Variants in CPNE8 observed in about 807,000 individuals in gnomAD.
CPNE8 encodes copine-8.
Under a neutral mutation model 81.5 loss-of-function variants are expected in CPNE8, and 45 were observed. The ratio of observed to expected loss-of-function variants is 0.55; its 90% confidence interval spans 0.44 to 0.71. CPNE8 has a LOEUF of 0.71. CPNE8 is among the 30% of genes least tolerant of loss of function. CPNE8 has a pLI of 0.00. For synonymous variants in CPNE8, 252 were observed against 226.3 expected, an observed-to-expected ratio of 1.11 and a Z score of -1.02; for missense variants, 594 against 672.1, an observed-to-expected ratio of 0.88 and a Z score of 1.28.
At chr12:38,752,768 A>C (rs1384965323) in intron 10 of CPNE8, among the ~76,000 whole-genome samples, 2 of 152,224 alleles carry the variant, frequency 1.3e-5, no homozygotes, top group Non-Finnish European at 2.9e-5. Flanking sequence ...TTAGAATTTA[A>C]TTTGTATTCC....
chr12:38,878,405 CT>C (rs991836759), intron 1 of CPNE8, among the ~76,000 whole-genome samples: 1 of 152,110 alleles, frequency 6.6e-6, no homozygotes, highest in African/African-American at 2.4e-5. Context: ...TTAGCAACAC[CT>C]TTCCAAAACC....
chr12:38,873,409 A>C (rs1048234289), intron 2 of CPNE8, among the ~76,000 whole-genome samples: 1 of 152,190 alleles, frequency 6.6e-6, no homozygotes, highest in African/African-American at 2.4e-5. Flanking sequence ...TAAGATATTT[A>C]CAGTGCTCAA....
chr12:38,849,177 T>C (rs1943602455), intron 3 of CPNE8, among the ~76,000 whole-genome samples: 1 of 152,050 alleles, frequency 6.6e-6, no homozygotes, highest in African/African-American at 2.4e-5. Flanking sequence ...TTGTTTCTGA[T>C]TAATCATGTT....
intron 3 of CPNE8, among the ~76,000 whole-genome samples, chr12:38,855,171 G>A (rs1943709832): frequency 6.6e-6 from 1 of 151,214 alleles, no homozygotes; most frequent in Admixed American, 6.6e-5. Context: ...AAATACTAAG[G>A]AGTAAATTTA....
chr12:38,669,763 G>T (rs984991145), intron 19 of CPNE8, among the ~76,000 whole-genome samples: 1 of 152,162 alleles, frequency 6.6e-6, no homozygotes, highest in African/African-American at 2.4e-5. Flanking sequence ...CCTTATACAT[G>T]GGGCCCAGTA....
chr12:38,858,412 T>C (rs1391279697), intron 3 of CPNE8, among the ~76,000 whole-genome samples: 2 of 152,176 alleles, frequency 1.3e-5, no homozygotes, highest in African/African-American at 4.8e-5. Context: ...AACAGCAGAG[T>C]TACTGCTCTT....
intron 4 of CPNE8, among the ~76,000 whole-genome samples, chr12:38,843,580 C>T (rs538836266): frequency 6.6e-6 from 1 of 151,916 alleles, no homozygotes; most frequent in Admixed American, 6.6e-5. Flanking sequence ...GCTACGGGGC[C>T]CTGCTGCAAG....
At chr12:38,676,908 G>A (rs938265668) in intron 17 of CPNE8, among the ~76,000 whole-genome samples, 8 of 151,894 alleles carry the variant, frequency 5.3e-5, no homozygotes, top group African/African-American at 1.7e-4. Context: ...TGTCTACTTC[G>A]TGCCAAACAT....
chr12:38,676,363 A>G (rs1399803206), intron 17 of CPNE8: 2 of 939,912 alleles, frequency 2.1e-6, no homozygotes, highest in African/African-American at 3.6e-5. Context: ...AGGAGCATCT[A>G]CTTCCACTTT....
At chr12:38,776,918 A>G (rs1941950079) in intron 6 of CPNE8, among the ~76,000 whole-genome samples, 1 of 152,184 alleles carries the variant, frequency 6.6e-6, no homozygotes, top group Admixed American at 6.5e-5. Flanking sequence ...ATGTATGTAC[A>G]GTCCATAATA....
At chr12:38,660,647 A>G (rs1411359134) in intron 19 of CPNE8, among the ~76,000 whole-genome samples, 9 of 152,210 alleles carry the variant, frequency 5.9e-5, no homozygotes, top group Admixed American at 5.9e-4. Flanking sequence ...GCTTCTGCAC[A>G]GCAAAAGACT....
chr12:38,769,399 T>C (rs1427670449), intron 7 of CPNE8, among the ~76,000 whole-genome samples: 2 of 152,040 alleles, frequency 1.3e-5, no homozygotes, highest in Admixed American at 6.5e-5. Context: ...GGTTTAAAGA[T>C]CAAAAAGTTC....
intron 10 of CPNE8, among the ~76,000 whole-genome samples, chr12:38,740,036 A>C (rs1007493456): frequency 6.6e-6 from 1 of 152,170 alleles, no homozygotes; most frequent in African/African-American, 2.4e-5. Flanking sequence ...ATGTGTGAAG[A>C]CTTAAATATA....
At chr12:38,819,421 C>T (rs1016298037) in intron 6 of CPNE8, among the ~76,000 whole-genome samples, 2 of 152,126 alleles carry the variant, frequency 1.3e-5, no homozygotes, top group African/African-American at 4.8e-5. Flanking sequence ...TAACAATTCA[C>T]AGCTCCCTTT....
At chr12:38,780,010 C>T (rs1942014215) in intron 6 of CPNE8, among the ~76,000 whole-genome samples, 1 of 152,030 alleles carries the variant, frequency 6.6e-6, no homozygotes, top group Non-Finnish European at 1.5e-5. Context: ...GGCACTTTTC[C>T]TCTATTTTCT....
At chr12:38,828,424 T>C (rs1274788789) in intron 6 of CPNE8, among the ~76,000 whole-genome samples, 2 of 152,170 alleles carry the variant, frequency 1.3e-5, no homozygotes, top group Non-Finnish European at 2.9e-5. Flanking sequence ...GGAAATCAAA[T>C]TAAATTTCAA....
At chr12:38,860,892 C>T (rs559895518) in intron 3 of CPNE8, among the ~76,000 whole-genome samples, 9 of 152,186 alleles carry the variant, frequency 5.9e-5, no homozygotes, top group East Asian at 5.8e-4. Context: ...GTTTCAGTTA[C>T]GAAAAATGAG....
intron 5 of CPNE8, among the ~76,000 whole-genome samples, chr12:38,830,210 G>A (rs950867280): frequency 6.6e-6 from 1 of 152,006 alleles, no homozygotes; most frequent in East Asian, 1.9e-4. Flanking sequence ...GAAACTAAGT[G>A]CTTATTTCAC....
chr12:38,653,122 T>C lies in CPNE8; in HGVS notation c.*760A>G, dbSNP rs1253526226. The stretch of plus-strand genomic sequence containing the variant: ...TTCTGTGCATTTATAGATCACAATG[T>C]TTGACTTTTTATAATTTCTACTTAG... On this transcript the variant is annotated 3_prime_UTR_variant, in exon 20 of 20. Coordinates refer to ENST00000331366, the MANE Select transcript of CPNE8 (RefSeq NM_153634.3). The C allele has an allele frequency of 6.6e-6, 1 of 152,384 alleles. No individual in the cohort carries two copies. The highest frequency in any genetic ancestry group is 2.4e-5 in the African/African-American group (1 of 41,458). 9.4% of individuals were successfully genotyped at this position (152,384 alleles called of 1,614,324 possible).
Sources: gnomAD v4.1 joint callset for allele counts (sites outside exome capture counted in the v4.1 genomes callset) on GRCh38, gnomAD v4.1.1 for gene constraint, MANE v1.5 for transcripts, NCBI Gene and HGNC (gene_info 2026-07-23, HGNC 2026-07-21) for gene names.